The following ARHGAP8 variants were observed in gnomAD, a reference collection of about 807,000 sequenced individuals.
ARHGAP8 encodes rho GTPase-activating protein 8.
In ARHGAP8, 62 loss-of-function variants were observed where a neutral mutation model predicts 46.1. The ratio of observed to expected loss-of-function variants is 1.34; its 90% CI spans 1.10 to 1.66. The LOEUF is 1.66. Among genes scored for constraint, ARHGAP8 ranks in the 40% most tolerant of loss-of-function variants. ARHGAP8 has a pLI of 0.00. For missense variants in ARHGAP8, 923 were observed against 568.4 expected (o/e 1.62, Z -6.34); for synonymous variants, 375 against 243.1 (o/e 1.54, Z -5.05).
intron 1 of ARHGAP8, among the ~76,000 whole-genome samples, chr22:44,756,258 A>G (rs934648541): frequency 5.3e-5 from 8 of 151,962 alleles, no homozygotes; most frequent in African/African-American, 1.9e-4. Context: ...AAACAAGCAA[A>G]GGAAACTCAG....
chr22:44,859,788 A>G lies in ARHGAP8; in HGVS notation c.935A>G (p.Glu312Gly). 1.2e-6 allele frequency: 2 copies of G among 1,614,104 alleles called. 1 individual carries two copies. Among genetic ancestry groups the G allele is most frequent in the Middle Eastern group, 3.3e-4 (2 of 6,062 alleles). ...GCRQILRSLP[E>G]HNYVVLRYLM... ...CGCCAGATCTTACGGAGCCTCCCAG[A>G]GCACAACTACGTCGTCCTCCGCTAC... The change falls in exon 11 of 12, where the codon GAG becomes GGG. Residue 312 changes from glutamate to glycine, a missense_variant. Physicochemically the swap from Glu to Gly is moderately conservative, Grantham distance 98 (BLOSUM62 -2). Transcript: ENST00000356099.
intron 1 of ARHGAP8, among the ~76,000 whole-genome samples, chr22:44,778,664 G>C (rs965957363): frequency 3.9e-5 from 6 of 152,246 alleles, no homozygotes; most frequent in African/African-American, 1.4e-4. Flanking sequence ...AGTGTTCCCT[G>C]TTCACCGCAG....
At chr22:44,807,371 C>G (rs980393670) in intron 3 of ARHGAP8, among the ~76,000 whole-genome samples, 2 of 152,106 alleles carry the variant, frequency 1.3e-5, no homozygotes, top group African/African-American at 4.8e-5. Flanking sequence ...GGAACGTGGT[C>G]CATGGGAAAT....
chr22:44,853,792 C>T (rs550618320), intron 10 of ARHGAP8, among the ~76,000 whole-genome samples: 1 of 152,118 alleles, frequency 6.6e-6, no homozygotes, highest in African/African-American at 2.4e-5. Flanking sequence ...CTTTGGGAGA[C>T]CAAGGCGGGT....
chr22:44,829,031 G>A (rs1307738476), intron 7 of ARHGAP8, among the ~76,000 whole-genome samples: 1 of 151,040 alleles, frequency 6.6e-6, no homozygotes, highest in Non-Finnish European at 1.5e-5. Context: ...CCAACACTTT[G>A]GGAGGCTGAG....
At chr22:44,781,624 AG>A (rs1373323926) in intron 1 of ARHGAP8, among the ~76,000 whole-genome samples, 7 of 151,324 alleles carry the variant, frequency 4.6e-5, no homozygotes, top group Non-Finnish European at 1.0e-4. Context: ...CCCAGGTTCA[AG>A]GGATTCTCCT....
At chr22:44,845,387 G>C in intron 8 of ARHGAP8, 45 bp downstream of exon 8, 1 of 1,612,544 alleles carries the variant, frequency 6.2e-7, no homozygotes, top group African/African-American at 1.3e-5. Flanking sequence ...GGGCTGCTGG[G>C]TGCACCTCTC....
At position 44,835,154 on chromosome 22, in the gene ARHGAP8, TTA is replaced by T. The variant is rs1491104570; in HGVS notation, c.596+9563_596+9564del. On this transcript the variant is annotated intron_variant, in intron 7 of 11. Coordinates refer to ENST00000356099, the MANE Select transcript of ARHGAP8 (RefSeq NM_181335.3). The stretch of plus-strand genomic sequence containing the variant: ...TTTTCTATATGTCTTTTTTGTTCCT[TTA>T]TGTCTTCATTAATACCTTCTTTTGT... 2.0e-5 allele frequency among the ~76,000 whole-genome samples: 3 copies of T among 152,004 alleles called. No homozygotes were observed. The East Asian group carries it at 5.8e-4, about 29-fold the overall frequency.
intron 1 of ARHGAP8, among the ~76,000 whole-genome samples, chr22:44,753,576 C>G (rs1924423886): frequency 7.1e-6 from 1 of 140,218 alleles, no homozygotes; most frequent in Non-Finnish European, 1.5e-5. Context: ...GTCAGGAAGG[C>G]AGGGAGGCCC....
At chr22:44,860,442 G>T (rs1226577587) in intron 11 of ARHGAP8, among the ~76,000 whole-genome samples, 1 of 152,018 alleles carries the variant, frequency 6.6e-6, no homozygotes, top group East Asian at 1.9e-4. Flanking sequence ...GTCTGTGTGT[G>T]TGTCTAATCT....
intron 9 of ARHGAP8, among the ~76,000 whole-genome samples, chr22:44,848,416 C>A (rs1255542547): frequency 1.3e-5 from 2 of 152,230 alleles, no homozygotes; most frequent in Non-Finnish European, 2.9e-5. Flanking sequence ...CCTTAACTGC[C>A]ATGTGTAACC....
chr22:44,853,640 C>T (rs373174476), intron 10 of ARHGAP8, among the ~76,000 whole-genome samples: 4 of 152,202 alleles, frequency 2.6e-5, no homozygotes, highest in South Asian at 2.1e-4. Context: ...TGACCTATGT[C>T]GGCTCTTTTT....
chr22:44,761,543 G>T (rs571492888), intron 1 of ARHGAP8, among the ~76,000 whole-genome samples: 1 of 152,256 alleles, frequency 6.6e-6, no homozygotes, highest in East Asian at 1.9e-4. Flanking sequence ...ATTTCAGCAG[G>T]GGCTTGAGCA....
chr22:44,811,628 A>T (rs191438446), intron 4 of ARHGAP8, among the ~76,000 whole-genome samples: 3 of 152,240 alleles, frequency 2.0e-5, no homozygotes, highest in Admixed American at 2.0e-4. Context: ...AAAAGGAGGG[A>T]CACTCTAGGC....
intron 11 of ARHGAP8, among the ~76,000 whole-genome samples, chr22:44,860,170 C>T (rs945911231): frequency 2.1e-5 from 3 of 145,230 alleles, no homozygotes; most frequent in Non-Finnish European, 4.6e-5. Flanking sequence ...GAGCTGTGTC[C>T]ACCACTGGTA....
chr22:44,790,828 G>A (rs1927626707), intron 2 of ARHGAP8, among the ~76,000 whole-genome samples: 1 of 151,444 alleles, frequency 6.6e-6, no homozygotes, highest in Non-Finnish European at 1.5e-5. Context: ...CGCCTCCCGG[G>A]TTCAAGGGAT....
intron 11 of ARHGAP8, among the ~76,000 whole-genome samples, chr22:44,860,798 CCCCCAGA>C (rs763350624): frequency 2.2e-4 from 33 of 152,276 alleles, no homozygotes; most frequent in Middle Eastern, 3.4e-3. Flanking sequence ...CCACCCCCAA[CCCCCAGA>C]CCCACGGCCT....
chr22:44,816,869 T>C lies in ARHGAP8; in HGVS notation c.386+2111T>C, dbSNP rs1929784105. On this transcript the variant is annotated intron_variant, in intron 5 of 11. Coordinates refer to ENST00000356099, the MANE Select transcript of ARHGAP8 (RefSeq NM_181335.3). ...CTTGGAGCCTTTCTTTTCTTTCTTT[T>C]TTCTTTCTTTCTTTCTTTTTTTTTT... Among the ~76,000 whole-genome samples the C allele has an allele frequency of 2.7e-5, 4 of 146,992 alleles. No individual in the cohort carries two copies. In the South Asian group the frequency reaches 8.4e-4, roughly 31 times the overall value.
intron 10 of ARHGAP8, among the ~76,000 whole-genome samples, chr22:44,857,756 A>C (rs73176181): frequency 6.6e-6 from 1 of 152,076 alleles, no homozygotes; most frequent in African/African-American, 2.4e-5. Flanking sequence ...AGCCTCCCAC[A>C]TGCAAGCTGT....
Sources: gnomAD v4.1 joint callset for allele counts (sites outside exome capture counted in the v4.1 genomes callset) on GRCh38, gnomAD v4.1.1 for gene constraint, MANE v1.5 for transcripts, NCBI Gene and HGNC (gene_info 2026-07-23, HGNC 2026-07-21) for gene names.